TMTC1: variants seen among roughly 807,000 people sequenced by gnomAD.
TMTC1 encodes protein O-mannosyl-transferase TMTC1.
A neutral mutation model predicts 104.8 loss-of-function variants in TMTC1; 73 were observed. The ratio of observed to expected loss-of-function variants is 0.70; its 90% confidence interval spans 0.58 to 0.85. The LOEUF (loss-of-function observed/expected upper bound fraction) is 0.85. Ranked by LOEUF, TMTC1 falls within the 40% of genes least tolerant of loss-of-function variation. The probability of loss-of-function intolerance (pLI) is 0.00; values close to 1 mark genes in which losing one functional copy is unlikely to be tolerated. For synonymous variants in TMTC1, 434 were observed against 428.7 expected (o/e 1.01, Z -0.15); for missense variants, 1,035 against 1,096.1 (o/e 0.94, Z 0.79).
rs1421645641 is a variant in TMTC1 at position 29,783,575 on chromosome 12, G to C, written c.177C>G (p.Asn59Lys). Residue 59 changes from asparagine (N) to lysine (K), a missense_variant, in exon 1 of 18, where the codon AAC becomes AAG. Coordinates refer to ENST00000539277, the MANE Select transcript of TMTC1 (RefSeq NM_001193451.2). This position sits in a 1 kb window ranked among gnomAD's most constrained non-coding sequence, Gnocchi z 4.7. ...FVHDDVWAIV[N>K]NPDVRPGAPL... Reference sequence around the variant, plus strand: ...GGGCGCCGGGCCGCACGTCGGGGTTGTTCACGATCGCCCACACGTCGTCGT... The same window carrying C: ...GGGCGCCGGGCCGCACGTCGGGGTTCTTCACGATCGCCCACACGTCGTCGT... 3 of 1,484,352 alleles carry C rather than the reference G, an allele frequency of 2.0e-6. No homozygotes were observed. Among genetic ancestry groups the C allele is most frequent in the Admixed American group, 2.2e-5 (1 of 45,534 alleles). 91.9% of individuals were successfully genotyped at this position (1,484,352 alleles called of 1,614,324 possible).
At chr12:29,683,636 C>T (rs780543873) in intron 5 of TMTC1, among the ~76,000 whole-genome samples, 16 of 152,040 alleles carry the variant, frequency 1.1e-4, no homozygotes, top group African/African-American at 1.9e-4. Flanking sequence ...CTGCTAAATG[C>T]GACTGTATAA....
At chr12:29,660,029 C>T (rs996966646) in intron 5 of TMTC1, 13 of 1,433,720 alleles carry the variant, frequency 9.1e-6, no homozygotes, top group Non-Finnish European at 1.2e-5. Flanking sequence ...CAATAATCTC[C>T]ACCCTTTTTG....
At chr12:29,673,776 T>C (rs968349973) in intron 5 of TMTC1, among the ~76,000 whole-genome samples, 21 of 119,138 alleles carry the variant, frequency 1.8e-4, no homozygotes, top group Admixed American at 5.0e-4. Context: ...TTTTCTTTTT[T>C]GAGATGGAAT....
chr12:29,708,862 A>G (rs1412601234), intron 5 of TMTC1, among the ~76,000 whole-genome samples: 1 of 152,194 alleles, frequency 6.6e-6, no homozygotes, highest in Non-Finnish European at 1.5e-5. Flanking sequence ...GAGCATCTAA[A>G]ATCAAGGGCC....
intron 17 of TMTC1, 78 bp from the exon 18 acceptor site, chr12:29,507,064 T>A: frequency 1.6e-6 from 2 of 1,242,044 alleles, no homozygotes; most frequent in East Asian, 4.7e-5. Context: ...ACTAAGAAAC[T>A]GACCCTCTGC....
At chr12:29,583,767 G>A (rs1450213958) in intron 7 of TMTC1, among the ~76,000 whole-genome samples, 193 bp from the exon 8 acceptor site, 2 of 152,142 alleles carry the variant, frequency 1.3e-5, no homozygotes, top group South Asian at 2.1e-4. Context: ...GCTATTTCTT[G>A]TAGAAATATT....
At chr12:29,677,627 T>A (rs1430977573) in intron 5 of TMTC1, among the ~76,000 whole-genome samples, 1 of 152,242 alleles carries the variant, frequency 6.6e-6, no homozygotes, top group Non-Finnish European at 1.5e-5. Flanking sequence ...TTAAATCACA[T>A]GCCTTTTAAG....
chr12:29,572,119 G>C lies in TMTC1; in HGVS notation c.1518C>G (p.Tyr506Ter). The C allele has an allele frequency of 6.2e-7, 1 of 1,613,842 alleles. No individual in the cohort carries two copies. The highest frequency in any genetic ancestry group is 8.5e-7 in the Non-Finnish European group (1 of 1,179,736). ...GTGGCGCTTACTTGAGAGCTGTTCTGTAGTGGTAGATCGCTTCCTTGTTCC... is the reference window on the plus strand; with the variant it reads ...GTGGCGCTTACTTGAGAGCTGTTCTCTAGTGGTAGATCGCTTCCTTGTTCC... ...QGRNKEAIYH[Y>*]RTALKLYPRH... is the part of the protein sequence containing the mutation. The change falls in exon 9 of 18, where the codon TAC (tyrosine) becomes TAG (stop). Residue 506 changes from tyrosine (Y) to a stop codon, truncating the protein, a stop_gained. Coordinates refer to ENST00000539277, the MANE Select transcript of TMTC1 (RefSeq NM_001193451.2). LOFTEE classifies it high-confidence loss of function.
rs1943670718 is a variant in TMTC1, at chr12:29,505,156, T to G, written c.*1690A>C. On this transcript the variant is annotated 3_prime_UTR_variant, in exon 18 of 18. Coordinates refer to ENST00000539277, the MANE Select transcript of TMTC1 (RefSeq NM_001193451.2). ...CCATGCCTTCCGAAGAAGTTTTTCT[T>G]GTTTATTTAGACTTACCTTGACAAA... 1 of 152,218 alleles carries G rather than the reference T, an allele frequency of 6.6e-6. No individual in the cohort carries two copies. 9.4% of individuals were successfully genotyped at this position (152,218 alleles called of 1,614,324 possible). A position where few individuals can be genotyped will look rare whatever the true frequency, so the allele number is the denominator to read the frequency against.
At chr12:29,532,480 A>AC (rs1944531975) in intron 11 of TMTC1, 1 of 152,178 alleles carries the variant, frequency 6.6e-6, no homozygotes, top group Non-Finnish European at 1.5e-5. Flanking sequence ...TATTAACCAT[A>AC]TATTACAGCA....
At chr12:29,749,231 T>TACAC (rs10654988) in intron 5 of TMTC1, among the ~76,000 whole-genome samples, 6,079 of 151,202 alleles carry the variant, frequency 0.04, 136 homozygotes, top group Non-Finnish European at 0.06. Context: ...TATCTAAGGA[T>TACAC]ACACACACAC....
At chr12:29,754,647 G>A (rs1441387836) in intron 4 of TMTC1, among the ~76,000 whole-genome samples, 4 of 152,170 alleles carry the variant, frequency 2.6e-5, no homozygotes, top group Admixed American at 6.5e-5. Flanking sequence ...TAGGCCAAAG[G>A]GAGGGCCTCT....
At chr12:29,589,430 C>T (rs548419119) in intron 7 of TMTC1, among the ~76,000 whole-genome samples, 1 of 152,306 alleles carries the variant, frequency 6.6e-6, no homozygotes, top group East Asian at 1.9e-4. Context: ...AAGATATAAA[C>T]CCAGGAATTT....
intron 5 of TMTC1, among the ~76,000 whole-genome samples, chr12:29,691,237 A>C (rs955706182): frequency 1.3e-5 from 2 of 152,144 alleles, no homozygotes; most frequent in African/African-American, 4.8e-5. Context: ...CACTTGATGC[A>C]CCAGCTGACA....
At chr12:29,769,225 T>C (rs1173232589) in intron 1 of TMTC1, among the ~76,000 whole-genome samples, 1 of 152,208 alleles carries the variant, frequency 6.6e-6, no homozygotes, top group Non-Finnish European at 1.5e-5. Context: ...TATTTGGACA[T>C]ATGAATGCAA....
intron 5 of TMTC1, among the ~76,000 whole-genome samples, chr12:29,725,014 C>CTTT (rs869135481): frequency 1.0e-4 from 9 of 90,394 alleles, no homozygotes; most frequent in African/African-American, 3.4e-4. Context: ...CTGCCAAGTT[C>CTTT]TTTTTTTTTT....
chr12:29,715,640 T>C lies in TMTC1; in HGVS notation c.938+36026A>G, dbSNP rs566605664. Among the ~76,000 whole-genome samples the C allele has an allele frequency of 1.8e-4, 28 of 152,300 alleles. No individual in the cohort carries two copies. The East Asian group carries it at 3.1e-3, about 17-fold the overall frequency. Reference sequence around the variant, plus strand: ...TTAGCTTGGCATTTGTATTAGTCCATTCTCATGCTGCTATGAAGAAGTACC... The same window carrying C: ...TTAGCTTGGCATTTGTATTAGTCCACTCTCATGCTGCTATGAAGAAGTACC... On this transcript the variant is annotated intron_variant, in intron 5 of 17. Coordinates refer to ENST00000539277, the MANE Select transcript of TMTC1 (RefSeq NM_001193451.2).
In TMTC1 at chr12:29,692,506, T is replaced by C. The variant is rs1257213474; in HGVS notation, c.938+59160A>G. On this transcript the variant is annotated intron_variant, in intron 5 of 17. Transcript: ENST00000539277. ...CAAAGAGGTAGACAATAAGGAGTAC[T>C]GGTGAAAATGTGGGGAAACTGGAAC... 1.4e-5 allele frequency among the ~76,000 whole-genome samples: 2 copies of C among 145,172 alleles called. 1 individual carries two copies. The highest frequency in any genetic ancestry group is 1.4e-4 in the Admixed American group (2 of 14,034).
chr12:29,520,586 C>T, intron 12 of TMTC1, 32 bp downstream of exon 12: 2 of 1,534,816 alleles, frequency 1.3e-6, no homozygotes, highest in Non-Finnish European at 1.8e-6. Context: ...TAGCTAATCT[C>T]AGCAGTACAG....
Sources: allele counts gnomAD v4.1 joint callset (sites outside exome capture counted in the v4.1 genomes callset), GRCh38; gene constraint gnomAD v4.1.1; non-coding constraint Gnocchi (gnomAD v3.1); transcripts MANE v1.5; gene names NCBI Gene and HGNC (gene_info 2026-07-23, HGNC 2026-07-21).